Variants in RASA2 observed in about 807,000 individuals in gnomAD.
RASA2 encodes ras GTPase-activating protein 2.
Under a neutral mutation model 118.2 loss-of-function variants are expected in RASA2, and 155 were observed. The observed-to-expected ratio is 1.31, with a 90% CI of 1.15 to 1.50. The LOEUF (loss-of-function observed/expected upper bound fraction) is 1.50. RASA2 is among the 40% of genes most tolerant of loss of function. The pLI is 0.00. For synonymous variants in RASA2, 353 were observed against 349.1 expected (o/e 1.01, Z -0.12); for missense variants, 1,016 against 1,009.6 (o/e 1.01, Z -0.09).
intron 9 of RASA2, among the ~76,000 whole-genome samples, chr3:141,562,847 A>AT (rs1208691940): frequency 7.2e-5 from 11 of 151,760 alleles, no homozygotes; most frequent in African/African-American, 2.7e-4. Flanking sequence ...TAATTTTTGT[A>AT]TTTTTAGTAG....
intron 9 of RASA2, among the ~76,000 whole-genome samples, chr3:141,563,503 ATATATTTAAGTGG>A (rs1035165771): frequency 1.3e-5 from 2 of 152,190 alleles, no homozygotes; most frequent in Non-Finnish European, 2.9e-5. Flanking sequence ...ATAGTTATTC[ATATATTTAAGTGG>A]TAATAGTTAT....
chr3:141,559,165 T>C (rs1478557490), intron 8 of RASA2, among the ~76,000 whole-genome samples: 1 of 152,196 alleles, frequency 6.6e-6, no homozygotes, highest in African/African-American at 2.4e-5. Context: ...AGTGTATTAA[T>C]TTTATAAACA....
At chr3:141,541,561 A>T (rs542353916) in intron 5 of RASA2, among the ~76,000 whole-genome samples, 1 of 152,222 alleles carries the variant, frequency 6.6e-6, no homozygotes, top group Admixed American at 6.5e-5. Context: ...CAAATTCAGG[A>T]AGTTTAACAT....
chr3:141,579,584 T>TA (rs1333569988), intron 15 of RASA2: 1 of 152,196 alleles, frequency 6.6e-6, no homozygotes, highest in Non-Finnish European at 1.5e-5. Flanking sequence ...AAAAGCCATT[T>TA]AAAGTATTGA....
At chr3:141,500,739 T>A (rs1006231623) in intron 1 of RASA2, among the ~76,000 whole-genome samples, 5 of 152,226 alleles carry the variant, frequency 3.3e-5, no homozygotes, top group Non-Finnish European at 1.5e-5. Flanking sequence ...TACATGTATA[T>A]CCAGTTCTTG....
At chr3:141,579,400 G>A (rs987305100) in intron 15 of RASA2, 1 of 152,122 alleles carries the variant, frequency 6.6e-6, no homozygotes, top group Non-Finnish European at 1.5e-5. Context: ...ACACCGTTTA[G>A]TCAATTTTAT....
chr3:141,556,912 GA>G (rs1405964294), intron 7 of RASA2, among the ~76,000 whole-genome samples: 1 of 151,998 alleles, frequency 6.6e-6, no homozygotes, highest in East Asian at 1.9e-4. Context: ...AAAAACAAAA[GA>G]AAAAGTACCA....
At chr3:141,544,488 T>G (rs537527276) in intron 5 of RASA2, among the ~76,000 whole-genome samples, 1 of 152,322 alleles carries the variant, frequency 6.6e-6, no homozygotes, top group African/African-American at 2.4e-5. Context: ...ATTGGGTGAT[T>G]TCTATTGTTA....
At chr3:141,524,367 T>C (rs2082155506) in intron 3 of RASA2, among the ~76,000 whole-genome samples, 1 of 152,160 alleles carries the variant, frequency 6.6e-6, no homozygotes, top group African/African-American at 2.4e-5. Context: ...GTCAGTGCTA[T>C]AGGAGACCAC....
chr3:141,524,910 T>G (rs1004961235), intron 3 of RASA2, among the ~76,000 whole-genome samples: 1 of 152,036 alleles, frequency 6.6e-6, no homozygotes. Flanking sequence ...TTTTATCTCC[T>G]CTTTTAGCCA....
At chr3:141,494,283 G>A (rs952955469) in intron 1 of RASA2, among the ~76,000 whole-genome samples, 1 of 152,260 alleles carries the variant, frequency 6.6e-6, no homozygotes, top group Non-Finnish European at 1.5e-5. Context: ...CACCAGCAAT[G>A]TATGACTGCC....
intron 4 of RASA2, among the ~76,000 whole-genome samples, chr3:141,536,983 G>A (rs1456582792): frequency 6.6e-6 from 1 of 152,168 alleles, no homozygotes; most frequent in Non-Finnish European, 1.5e-5. Context: ...CTGACCTCAG[G>A]TGATCTGCCT....
At chr3:141,533,900 A>G (rs1560013984) in intron 4 of RASA2, among the ~76,000 whole-genome samples, 1 of 152,176 alleles carries the variant, frequency 6.6e-6, no homozygotes, top group African/African-American at 2.4e-5. Context: ...CATTGTGTCA[A>G]TAAGTCTAGT....
chr3:141,590,277 C>G (rs1324103096), intron 19 of RASA2: 1 of 406,432 alleles, frequency 2.5e-6, no homozygotes, highest in East Asian at 7.3e-5. Flanking sequence ...GCATTTACTC[C>G]GCAGCTAAAT....
At chr3:141,511,874 G>A (rs1460848744) in intron 1 of RASA2, among the ~76,000 whole-genome samples, 2 of 152,092 alleles carry the variant, frequency 1.3e-5, no homozygotes, top group Non-Finnish European at 2.9e-5. Flanking sequence ...CCTTGAGGTA[G>A]CACTGGTGGA....
intron 15 of RASA2, among the ~76,000 whole-genome samples, chr3:141,577,912 A>T (rs376583760): frequency 6.6e-6 from 1 of 152,158 alleles, no homozygotes; most frequent in South Asian, 2.1e-4. Flanking sequence ...CTTAATTTTT[A>T]AAATTCTTTA....
chr3:141,487,317 T>G, intron 1 of RASA2, 101 bp downstream of exon 1: 17 of 1,102,186 alleles, frequency 1.5e-5, no homozygotes, highest in African/African-American at 5.3e-5. Flanking sequence ...TGCGCTGGGA[T>G]CGCGGGCCCG....
rs115581367 is a variant in RASA2 at position 141,558,197 on chromosome 3, C to T, written c.685-689C>T. 4.6e-3 allele frequency among the ~76,000 whole-genome samples: 697 copies of T among 152,268 alleles called. 5 individuals carry two copies. The highest frequency in any genetic ancestry group is 0.016 in the African/African-American group (666 of 41,558). ...TCTAGCCCTGTCCGCCTCTGAGCAG[C>T]GTTCTGATGAACAAAGGAGATAATG... is the stretch of plus-strand genomic sequence containing the variant. On this transcript the variant is annotated intron_variant, in intron 7 of 23. Coordinates refer to ENST00000286364, the MANE Select transcript of RASA2 (RefSeq NM_006506.5).
chr3:141,576,046 G>T (rs1381865448), intron 14 of RASA2, among the ~76,000 whole-genome samples: 4 of 152,168 alleles, frequency 2.6e-5, no homozygotes, highest in Admixed American at 6.5e-5. Context: ...CAAAGTGCTG[G>T]AATTACGGGC....
Sources: allele counts gnomAD v4.1 joint callset (sites outside exome capture counted in the v4.1 genomes callset), GRCh38; gene constraint gnomAD v4.1.1; transcripts MANE v1.5; gene names NCBI Gene and HGNC (gene_info 2026-07-23, HGNC 2026-07-21).